The following LACC1 variants were observed in gnomAD, a reference collection of about 807,000 sequenced individuals.
LACC1 encodes the protein laccase domain multifunctional purine nucleosidase 1, also known as purine nucleoside phosphorylase LACC1.
In LACC1, 25 loss-of-function variants were observed where a neutral mutation model predicts 34.8. That is an observed-to-expected ratio of 0.72 (90% CI 0.52 to 1.00). The LOEUF (loss-of-function observed/expected upper bound fraction) is 1.00. Ranked by LOEUF, LACC1 falls within the 50% of genes least tolerant of loss-of-function variation. LACC1 has a pLI of 0.00. For synonymous variants in LACC1, 162 were observed against 168.0 expected (o/e 0.96, Z 0.28); for missense variants, 426 against 511.2 (o/e 0.83, Z 1.61).
At chr13:43,881,969 A>G (rs761425420) in intron 2 of LACC1, among the ~76,000 whole-genome samples, 70 of 152,360 alleles carry the variant, frequency 4.6e-4, no homozygotes, top group Non-Finnish European at 9.3e-4. Context: ...TAACAAAGCC[A>G]GATGAGACAC....
chr13:43,882,533 T>A (rs1165104631), intron 3 of LACC1, among the ~76,000 whole-genome samples, 170 bp downstream of exon 3: 2 of 143,042 alleles, frequency 1.4e-5, no homozygotes, highest in African/African-American at 5.3e-5. Flanking sequence ...AAAGATAAGT[T>A]CTATTTTATA....
upstream of LACC1, chr13:43,879,745 TGAGGCGGGGCGAGGTGGGCGAGGG>T (rs1954837479): frequency 7.6e-6 from 1 of 131,300 alleles, no homozygotes; most frequent in African/African-American, 3.0e-5. Flanking sequence ...GTAGGTGAGG[TGAGGCGGGGCGAGGTGGGCGAGGG>T]GGGCGAGGTG....
upstream of LACC1, chr13:43,879,800 A>AGGCGGGGCGGGGCGAGGCGG (rs1241680078): frequency 0.011 from 879 of 77,800 alleles, 12 homozygotes; most frequent in Non-Finnish European, 0.019. Context: ...AGGCGGGGCG[A>AGGCGGGGCGGGGCGAGGCGG]GGCGAGGCGG....
Position 43,892,566 on chromosome 13 carries a change from T to A in LACC1, c.*1119T>A, listed in dbSNP as rs980122180. ...TTGACTTTACATAGAATGAAGGGCA[T>A]CCAGATAGAAATCTTTGGTTAATAA... On this transcript the variant is annotated 3_prime_UTR_variant, in exon 7 of 7. Transcript: ENST00000325686. 7 of 152,058 alleles carry A rather than the reference T, an allele frequency of 4.6e-5. No homozygotes were observed. Among genetic ancestry groups the A allele is most frequent in the Admixed American group, 2.0e-4 (3 of 15,254 alleles). 9.4% of individuals were successfully genotyped at this position (152,058 alleles called of 1,614,324 possible).
chr13:43,891,954 A>T lies in LACC1; in HGVS notation c.*507A>T, dbSNP rs557563189. The T allele has an allele frequency of 6.6e-6, 1 of 152,276 alleles. No homozygotes were observed. The highest frequency in any genetic ancestry group is 6.5e-5 in the Admixed American group (1 of 15,296). 9.4% of individuals were successfully genotyped at this position (152,276 alleles called of 1,614,324 possible). A position where few individuals can be genotyped will look rare whatever the true frequency, so the allele number is the denominator to read the frequency against. ...TATTACAGAGAAAATCACATATCAC[A>T]TGGGCTCGAAAGATGTAGAGGTTTT... On this transcript the variant is annotated 3_prime_UTR_variant, in exon 7 of 7. Coordinates refer to ENST00000325686, the MANE Select transcript of LACC1 (RefSeq NM_153218.4).
intron 4 of LACC1, among the ~76,000 whole-genome samples, chr13:43,885,989 A>G (rs1294072736): frequency 6.6e-6 from 1 of 152,224 alleles, no homozygotes; most frequent in Non-Finnish European, 1.5e-5. Flanking sequence ...CGTGGTCAAC[A>G]AGCATATGAA....
chr13:43,884,511 G>T (rs1472146704), intron 4 of LACC1, among the ~76,000 whole-genome samples: 1 of 152,132 alleles, frequency 6.6e-6, no homozygotes, highest in Non-Finnish European at 1.5e-5. Context: ...GTAGGAAAAA[G>T]CAAGATGTTT....
Position 43,883,781 on chromosome 13 carries a change from C to A in LACC1, c.752C>A (p.Ser251Tyr). The A allele has an allele frequency of 6.2e-7, 1 of 1,609,566 alleles. No individual in the cohort carries two copies. The highest frequency in any genetic ancestry group is 8.5e-7 in the Non-Finnish European group (1 of 1,177,638). The change falls in exon 4 of 7, where the codon TCC becomes TAC. Residue 251 changes from serine (S) to tyrosine (Y), a missense_variant. Ser to Tyr is a moderately radical substitution (Grantham distance 144). Coordinates refer to ENST00000325686, the MANE Select transcript of LACC1 (RefSeq NM_153218.4). ...EKFYRIKTHH[S>Y]NDIWIMGRKE... ...CATTTTTGGTATTAGACTCATCATT[C>A]CAATGACATCTGGATTATGGGAAGA...
chr13:43,887,372 AG>A (rs1955380307), intron 4 of LACC1, among the ~76,000 whole-genome samples: 1 of 152,146 alleles, frequency 6.6e-6, no homozygotes, highest in Non-Finnish European at 1.5e-5. Context: ...GGAAGGTGTA[AG>A]GGTACTCATT....
At chr13:43,886,645 C>T (rs369524688) in intron 4 of LACC1, among the ~76,000 whole-genome samples, 7 of 152,142 alleles carry the variant, frequency 4.6e-5, no homozygotes, top group South Asian at 2.1e-4. Context: ...ACTGTCTGTT[C>T]GGTACTATGT....
Position 43,888,804 on chromosome 13 carries a change from A to G in LACC1, c.955A>G (p.Met319Val). 1.2e-6 allele frequency: 2 copies of G among 1,613,914 alleles called. No individual in the cohort carries two copies. The highest frequency in any genetic ancestry group is 1.7e-6 in the Non-Finnish European group (2 of 1,179,850). The change falls in exon 5 of 7, where the codon ATG becomes GTG. Residue 319 changes from methionine to valine, a missense_variant. Around this residue, in one of 2 missense-constraint regions of LACC1, gnomAD observed 209 missense variants for 300.3 expected, o/e 0.70. Coordinates refer to ENST00000325686, the MANE Select transcript of LACC1 (RefSeq NM_153218.4). ...TGTTGCTATGGCTACAGTGAATGCT[A>G]TGATAGCAGAATATGGCTGCAGTTT... ...LGVAMATVNA[M>V]IAEYGCSLED...
intron 2 of LACC1, among the ~76,000 whole-genome samples, chr13:43,881,888 G>A (rs889738388): frequency 3.3e-5 from 5 of 152,178 alleles, no homozygotes; most frequent in African/African-American, 1.2e-4. Flanking sequence ...TCATAGAAGA[G>A]TAAAATTTAA....
intron 6 of LACC1, among the ~76,000 whole-genome samples, chr13:43,890,675 A>G (rs1955535128): frequency 6.6e-6 from 1 of 152,208 alleles, no homozygotes; most frequent in South Asian, 2.1e-4. Context: ...TATAACTTTC[A>G]TGTTATTTTT....
chr13:43,890,102 A>G lies in LACC1; in HGVS notation c.1134-12A>G, dbSNP rs574503874. On this transcript the variant is annotated splice_polypyrimidine_tract_variant and intron_variant, in intron 5 of 6. Coordinates refer to ENST00000325686, the MANE Select transcript of LACC1 (RefSeq NM_153218.4). ...AAACTCTTGCTCTCTTTTGAAAAAT[A>G]TTTTTCCTAAGGATTCTTCTAGAAC... The G allele has an allele frequency of 3.1e-5, 50 of 1,594,886 alleles. No individual in the cohort carries two copies. The Middle Eastern group carries it at 8.4e-4, about 27-fold the overall frequency.
upstream of LACC1, chr13:43,879,800 A>AGGCGGGGCGG (rs1241680078): frequency 0.025 from 1,911 of 77,860 alleles, 56 homozygotes; most frequent in African/African-American, 0.066. Context: ...AGGCGGGGCG[A>AGGCGGGGCGG]GGCGAGGCGG....
chr13:43,887,487 A>G (rs936894405), intron 4 of LACC1, among the ~76,000 whole-genome samples: 3 of 152,224 alleles, frequency 2.0e-5, no homozygotes, highest in African/African-American at 7.2e-5. Context: ...TAGCATAAGT[A>G]AAGAAGATGG....
In LACC1 at chr13:43,890,274, G is replaced by T; in HGVS notation, c.*1G>T. 6.2e-7 allele frequency: 1 copy of T among 1,609,398 alleles called. No individual in the cohort carries two copies. The highest frequency in any genetic ancestry group is 8.5e-7 in the Non-Finnish European group (1 of 1,177,658). On this transcript the variant is annotated splice_region_variant and 3_prime_UTR_variant, in exon 6 of 7. Coordinates refer to ENST00000325686, the MANE Select transcript of LACC1 (RefSeq NM_153218.4). Reference sequence around the variant, plus strand: ...TGGCTTCATATCAATTAAAGAATGAGGTACAGTAGGTTTTCTCTCCTCTCT... The same window carrying T: ...TGGCTTCATATCAATTAAAGAATGATGTACAGTAGGTTTTCTCTCCTCTCT...
rs967388097 is a variant in LACC1 at position 43,881,368 on chromosome 13, A to G, written c.383A>G (p.Asn128Ser). The part of the protein sequence containing the change: ...FIDQLFTDVY[N>S]FEFEDLQVTF... ...GATCAACTCTTCACTGATGTTTACA[A>G]TTTTGAATTTGAAGATTTGCAAGTG... Residue 128 changes from asparagine (N) to serine (S), a missense_variant, in exon 2 of 7, where the codon AAT becomes AGT. Physicochemically the swap from Asn to Ser is conservative, Grantham distance 46. This residue lies in a region of LACC1 where 217 missense variants were observed against 210.9 expected (regional missense o/e 1.03). Transcript: ENST00000325686. 1.2e-6 allele frequency: 2 copies of G among 1,614,012 alleles called. No homozygotes were observed. Among genetic ancestry groups the G allele is most frequent in the African/African-American group, 2.7e-5 (2 of 74,922 alleles).
chr13:43,884,557 TTAACTG>T (rs1297254931), intron 4 of LACC1, among the ~76,000 whole-genome samples: 4 of 152,224 alleles, frequency 2.6e-5, no homozygotes, highest in Non-Finnish European at 5.9e-5. Flanking sequence ...CTTAATGTAT[TTAACTG>T]TAACTATTCT....
Sources: allele counts gnomAD v4.1 joint callset (sites outside exome capture counted in the v4.1 genomes callset), GRCh38; gene constraint gnomAD v4.1.1; regional missense constraint gnomAD v4.1.1; transcripts MANE v1.5; gene names NCBI Gene and HGNC (gene_info 2026-07-23, HGNC 2026-07-21).